Variants in LINGO3 observed in about 807,000 individuals in gnomAD.
LINGO3 encodes leucine rich repeat and Ig domain containing 3.
For synonymous variants in LINGO3, 427 were observed against 444.2 expected (o/e 0.96, Z 0.49); for missense variants, 750 against 867.7 (o/e 0.86, Z 1.70).
upstream of LINGO3, among the ~76,000 whole-genome samples, chr19:2,295,093 C>T (rs565266275): frequency 5.3e-5 from 8 of 152,144 alleles, no homozygotes; most frequent in East Asian, 9.6e-4. Context: ...CGAACAGACG[C>T]GGAGCCCCGG....
At chr19:2,291,662 C>T in exon 1 of LINGO3, 1 of 1,391,818 alleles carries the variant, frequency 7.2e-7, no homozygotes, top group Non-Finnish European at 9.2e-7. Context: ...CGCGTGCAGG[C>T]CACCGCGCGG....
At chr19:2,287,612 C>T (rs143687917), downstream of LINGO3, among the ~76,000 whole-genome samples, 486 of 152,334 alleles carry the variant, frequency 3.2e-3, 1 homozygote, top group Middle Eastern at 0.014. The surrounding 1 kb of genome is among the most constrained non-coding windows in gnomAD (Gnocchi z 4.5). Flanking sequence ...TTGCTCAAAG[C>T]CTTCAGGGCT....
At chr19:2,301,188 C>T in the LINGO3 span, among the ~76,000 whole-genome samples, 1 of 152,030 alleles carries the variant, frequency 6.6e-6, no homozygotes, top group East Asian at 1.9e-4. Context: ...AGCTGGGGAC[C>T]CCTGGTTTAC....
At chr19:2,297,547 C>T in the LINGO3 span, among the ~76,000 whole-genome samples, 5 of 151,648 alleles carry the variant, frequency 3.3e-5, no homozygotes, top group African/African-American at 9.7e-5. Flanking sequence ...TCGTGATCCA[C>T]CTGCCTCAGC....
chr19:2,303,922 A>T, the LINGO3 span, among the ~76,000 whole-genome samples: 1 of 152,248 alleles, frequency 6.6e-6, no homozygotes, highest in Admixed American at 6.5e-5. Flanking sequence ...TGCCTTGGGC[A>T]GAGACATCGA....
the LINGO3 span, among the ~76,000 whole-genome samples, chr19:2,301,335 C>CT: frequency 6.6e-6 from 1 of 151,836 alleles, no homozygotes; most frequent in Non-Finnish European, 1.5e-5. Flanking sequence ...GGATGACTCT[C>CT]TGTCTTGGGC....
At chr19:2,297,375 G>A in the LINGO3 span, among the ~76,000 whole-genome samples, 1 of 128,044 alleles carries the variant, frequency 7.8e-6, no homozygotes, top group Admixed American at 9.6e-5. Flanking sequence ...CATGATCTCT[G>A]TTCACTGCAA....
the LINGO3 span, among the ~76,000 whole-genome samples, chr19:2,302,309 C>T: frequency 6.6e-6 from 1 of 152,276 alleles, no homozygotes; most frequent in South Asian, 2.1e-4. Context: ...GATCAGCCCG[C>T]CCCAGCCTCC....
the LINGO3 span, among the ~76,000 whole-genome samples, chr19:2,305,476 G>T: frequency 1.3e-5 from 2 of 152,044 alleles, no homozygotes; most frequent in Non-Finnish European, 2.9e-5. Context: ...TGGTGGTGTG[G>T]GCAGCTCCTT....
chr19:2,296,435 G>A (rs2025572266), upstream of LINGO3, among the ~76,000 whole-genome samples: 2 of 152,038 alleles, frequency 1.3e-5, no homozygotes, highest in Admixed American at 1.3e-4. Context: ...AGCTGAGATC[G>A]CGCCGCTGCA....
the LINGO3 span, among the ~76,000 whole-genome samples, chr19:2,307,121 G>A: frequency 2.6e-5 from 4 of 152,164 alleles, no homozygotes; most frequent in East Asian, 7.7e-4. Context: ...GCCCCAGATC[G>A]TCCCTCTGCA....
chr19:2,289,818 T>C, exon 1 of LINGO3: 1 of 529,068 alleles, frequency 1.9e-6, no homozygotes, highest in Non-Finnish European at 3.3e-6. Flanking sequence ...CTTGAGAAAC[T>C]GCAAAAAAGA....
exon 1 of LINGO3, chr19:2,289,936 G>C: frequency 7.3e-7 from 1 of 1,371,230 alleles, no homozygotes; most frequent in Non-Finnish European, 9.9e-7. Flanking sequence ...GAAATGCATA[G>C]GTGGACACGC....
chr19:2,291,306 C>T (rs776079975), exon 1 of LINGO3: 10 of 1,612,854 alleles, frequency 6.2e-6, no homozygotes, highest in Non-Finnish European at 6.8e-6. Flanking sequence ...CGTTGTCGCC[C>T]ACTTCCAGCC....
chr19:2,305,870 T>C, the LINGO3 span, among the ~76,000 whole-genome samples: 7 of 152,190 alleles, frequency 4.6e-5, no homozygotes, highest in Non-Finnish European at 7.3e-5. Flanking sequence ...AGGTCTGCTT[T>C]TGGGGACACG....
At chr19:2,288,622 C>T (rs967124245), downstream of LINGO3, among the ~76,000 whole-genome samples, 6 of 152,160 alleles carry the variant, frequency 3.9e-5, no homozygotes, top group Admixed American at 1.3e-4. This position sits in a 1 kb window ranked among gnomAD's most constrained non-coding sequence, Gnocchi z 6.5. Context: ...CGGAGGGAGG[C>T]GGAGGGCTGG....
rs1471379992 is a variant in LINGO3 at position 2,290,831 on chromosome 19, C to G, written c.946G>C (p.Gly316Arg). 2 of 1,612,280 alleles carry G rather than the reference C, an allele frequency of 1.2e-6. No individual in the cohort carries two copies. The highest frequency in any genetic ancestry group is 1.7e-5 in the Admixed American group (1 of 59,982). The stretch of plus-strand genomic sequence containing the variant: ...TTGAGCAGGCGGATCTGGCGCAGGC[C>G]CAGGAAGGCCTGCGGCTCCACCACA... The change falls in exon 1 of 1, where the codon GGC (glycine) becomes CGC (arginine). Residue 316 changes from glycine (G) to arginine (R), a missense_variant. By Grantham distance (125) the Gly-to-Arg change is moderately radical. Transcript: ENST00000585527. This position sits in a 1 kb window ranked among gnomAD's most constrained non-coding sequence, Gnocchi z 6.0.
the LINGO3 span, among the ~76,000 whole-genome samples, chr19:2,302,708 G>A: frequency 1.2e-4 from 19 of 152,238 alleles, no homozygotes; most frequent in African/African-American, 4.3e-4. Context: ...GGGAGGACTC[G>A]TGTTTCAAGG....
chr19:2,298,994 G>A, the LINGO3 span, among the ~76,000 whole-genome samples: 3 of 152,196 alleles, frequency 2.0e-5, no homozygotes, highest in Non-Finnish European at 4.4e-5. Flanking sequence ...GATGCGCTGT[G>A]TGACCTCTGT....
Sources: gnomAD v4.1 joint callset for allele counts (sites outside exome capture counted in the v4.1 genomes callset) on GRCh38, gnomAD v4.1.1 for gene constraint, Gnocchi (gnomAD v3.1) non-coding constraint, MANE v1.5 for transcripts, NCBI Gene and HGNC (gene_info 2026-07-23, HGNC 2026-07-21) for gene names.